The following RIMS2 variants were observed in gnomAD, a reference collection of about 807,000 sequenced individuals.
RIMS2 encodes regulating synaptic membrane exocytosis protein 2.
A neutral mutation model predicts 174.4 loss-of-function variants in RIMS2; 59 were observed. The ratio of observed to expected loss-of-function variants is 0.34; its 90% CI spans 0.27 to 0.42. The LOEUF is 0.42. RIMS2 is among the 10% of genes least tolerant of loss of function. RIMS2 has a pLI of 1.00. For missense variants in RIMS2, 1,620 were observed against 1,666.3 expected, an observed-to-expected ratio of 0.97 and a Z score of 0.48; for synonymous variants, 606 against 572.5, an observed-to-expected ratio of 1.06 and a Z score of -0.84.
Position 104,249,475 on chromosome 8 carries a change from T to C in RIMS2, c.3590-12T>C. ...ATATTAAAGCACATTTGTTCCTTCC[T>C]TCTTCCATTAGGTGACATTCAGGTA... On this transcript the variant is annotated splice_polypyrimidine_tract_variant and intron_variant, in intron 21 of 23. Coordinates refer to ENST00000504942, the Ensembl canonical transcript of RIMS2. 1 of 1,479,042 alleles carries C rather than the reference T, an allele frequency of 6.8e-7. No individual in the cohort carries two copies. The highest frequency in any genetic ancestry group is 9.5e-7 in the Non-Finnish European group (1 of 1,058,082). 91.6% of individuals were successfully genotyped at this position (1,479,042 alleles called of 1,614,324 possible). A position where few individuals can be genotyped will look rare whatever the true frequency, so the allele number is the denominator to read the frequency against.
intron 1 of RIMS2, among the ~76,000 whole-genome samples, chr8:103,579,261 T>TCA (rs1056517115): frequency 1.8e-4 from 11 of 59,778 alleles, no homozygotes; most frequent in African/African-American, 6.2e-4. Context: ...TGTCTCTGTC[T>TCA]CACACACACA....
chr8:103,649,192 T>G (rs72679431), intron 1 of RIMS2, among the ~76,000 whole-genome samples: 3,243 of 152,246 alleles, frequency 0.021, 48 homozygotes, highest in Non-Finnish European at 0.035. Context: ...TCTCCTTCAC[T>G]TATGATGTTT....
intron 19 of RIMS2, among the ~76,000 whole-genome samples, chr8:104,108,120 C>T (rs897977528): frequency 2.6e-5 from 4 of 152,104 alleles, no homozygotes; most frequent in Non-Finnish European, 4.4e-5. Flanking sequence ...AGTCATTTCC[C>T]TCATCTTTTC....
intron 2 of RIMS2, among the ~76,000 whole-genome samples, chr8:103,738,688 A>T (rs1382397041): frequency 1.3e-5 from 2 of 152,230 alleles, no homozygotes; most frequent in Non-Finnish European, 2.9e-5. Context: ...ATTTACAAGA[A>T]AAAAACAACC....
intron 3 of RIMS2, among the ~76,000 whole-genome samples, chr8:103,873,374 T>A (rs1481927051): frequency 6.6e-6 from 1 of 152,118 alleles, no homozygotes; most frequent in Non-Finnish European, 1.5e-5. Flanking sequence ...GATGGGTGTG[T>A]CTGTATGATT....
At chr8:103,692,558 C>T (rs1369535978) in intron 1 of RIMS2, among the ~76,000 whole-genome samples, 1 of 152,252 alleles carries the variant, frequency 6.6e-6, no homozygotes, top group Non-Finnish European at 1.5e-5. Flanking sequence ...ACTGCCTGGG[C>T]ATTCCTGCTG....
chr8:103,770,344 G>A (rs750180115), intron 3 of RIMS2, among the ~76,000 whole-genome samples: 15 of 152,194 alleles, frequency 9.9e-5, no homozygotes, highest in Non-Finnish European at 2.2e-4. Flanking sequence ...GGGAGGCCGA[G>A]GAGGGCGGAT....
At chr8:104,010,395 G>C (rs573842275) in intron 17 of RIMS2, among the ~76,000 whole-genome samples, 1 of 152,114 alleles carries the variant, frequency 6.6e-6, no homozygotes, top group Admixed American at 6.6e-5. Flanking sequence ...TAAGACAAAG[G>C]CCTTCTAAGT....
At chr8:103,784,136 T>G (rs1255589950) in intron 3 of RIMS2, among the ~76,000 whole-genome samples, 1 of 148,824 alleles carries the variant, frequency 6.7e-6, no homozygotes, top group African/African-American at 2.5e-5. Flanking sequence ...TCTTGTAAAT[T>G]TGTTTGAGTT....
At chr8:104,063,927 C>G (rs1024757944) in intron 19 of RIMS2, among the ~76,000 whole-genome samples, 1 of 152,076 alleles carries the variant, frequency 6.6e-6, no homozygotes, top group Non-Finnish European at 1.5e-5. Flanking sequence ...TTTGGAAAAG[C>G]AAACTTAAAA....
intron 2 of RIMS2, among the ~76,000 whole-genome samples, chr8:103,703,225 TTTTG>T (rs939993751): frequency 1.1e-4 from 17 of 151,770 alleles, no homozygotes; most frequent in Non-Finnish European, 1.8e-4. Context: ...CCGTCATTGT[TTTTG>T]TTTGTTTGTT....
chr8:104,230,202 C>T (rs990103888), intron 19 of RIMS2, among the ~76,000 whole-genome samples: 1 of 150,806 alleles, frequency 6.6e-6, no homozygotes, highest in Non-Finnish European at 1.5e-5. Context: ...TCTCTTGAAC[C>T]CAGGAGGTGG....
At chr8:103,801,692 C>T (rs530295299) in intron 3 of RIMS2, among the ~76,000 whole-genome samples, 1 of 152,330 alleles carries the variant, frequency 6.6e-6, no homozygotes, top group South Asian at 2.1e-4. Flanking sequence ...TTGTCATTCA[C>T]CTTTACCTTG....
chr8:104,161,990 A>T (rs978321531), intron 19 of RIMS2, among the ~76,000 whole-genome samples: 22 of 152,196 alleles, frequency 1.4e-4, no homozygotes, highest in African/African-American at 5.3e-4. Flanking sequence ...CCAGTCAGAG[A>T]AGTTTCCCTG....
intron 14 of RIMS2, among the ~76,000 whole-genome samples, chr8:103,953,476 C>G (rs896525572): frequency 4.6e-5 from 7 of 152,220 alleles, no homozygotes; most frequent in South Asian, 2.1e-4. Context: ...ATTTTTCAAG[C>G]CAGATTTTCA....
intron 20 of RIMS2, among the ~76,000 whole-genome samples, chr8:104,245,584 T>A (rs1004077594): frequency 3.3e-5 from 5 of 152,212 alleles, no homozygotes; most frequent in Non-Finnish European, 5.9e-5. Flanking sequence ...TAGCTTTCCT[T>A]TGAATCAACT....
At chr8:103,942,918 G>A (rs1365889778) in exon 14 of RIMS2, 1 of 1,603,210 alleles carries the variant, frequency 6.2e-7, no homozygotes, top group Middle Eastern at 1.7e-4. Context: ...CCAACACGGA[G>A]GTTGCAAAGT....
intron 4 of RIMS2, among the ~76,000 whole-genome samples, chr8:103,906,328 T>G (rs904393380): frequency 7.2e-5 from 11 of 152,186 alleles, no homozygotes; most frequent in African/African-American, 2.4e-4. Flanking sequence ...TACTGCAACC[T>G]CCGCCTTCCG....
At position 103,507,138 on chromosome 8, in the gene RIMS2, C is replaced by T. The variant is rs908729311; in HGVS notation, c.176+6076C>T. Among the ~76,000 whole-genome samples the T allele has an allele frequency of 2.6e-5, 4 of 152,174 alleles. 1 individual carries two copies. Among genetic ancestry groups the T allele is most frequent in the African/African-American group, 4.8e-5 (2 of 41,560 alleles). On this transcript the variant is annotated intron_variant, in intron 1 of 23. Coordinates refer to ENST00000504942, the Ensembl canonical transcript of RIMS2. ...GAGCTTAGAATGCTGATCTTCACAT[C>T]GCCCCTCAAATACACTTAAGCTTTG...
Sources: allele counts gnomAD v4.1 joint callset (sites outside exome capture counted in the v4.1 genomes callset), GRCh38; gene constraint gnomAD v4.1.1; transcripts MANE v1.5; gene names NCBI Gene and HGNC (gene_info 2026-07-23, HGNC 2026-07-21).